CYB5B: variants seen among roughly 807,000 people sequenced by gnomAD.
CYB5B encodes cytochrome b5 type B (outer mitochondrial membrane).
A neutral mutation model predicts 21.3 loss-of-function variants in CYB5B; 14 were observed. The observed-to-expected ratio is 0.66, with a 90% CI of 0.43 to 1.03. The LOEUF is 1.03. Ranked by LOEUF, CYB5B falls within the 50% of genes least tolerant of loss-of-function variation. The pLI, the probability that CYB5B is intolerant of heterozygous loss-of-function variation, is 0.00. For synonymous variants in CYB5B, 69 were observed against 68.4 expected (o/e 1.01, Z -0.04); for missense variants, 166 against 185.1 (o/e 0.90, Z 0.60).
chr16:69,435,404 A>G (rs933760819), intron 1 of CYB5B, among the ~76,000 whole-genome samples: 1 of 152,140 alleles, frequency 6.6e-6, no homozygotes. Flanking sequence ...GAAGGATTGA[A>G]AGGTAAATTA....
intron 1 of CYB5B, among the ~76,000 whole-genome samples, chr16:69,435,532 C>G (rs1054434419): frequency 2.0e-5 from 3 of 152,166 alleles, no homozygotes. Context: ...TTCTTGAAAG[C>G]TTTGGCATTT....
chr16:69,435,649 T>G (rs2014752367), intron 1 of CYB5B, among the ~76,000 whole-genome samples: 1 of 152,204 alleles, frequency 6.6e-6, no homozygotes, highest in Non-Finnish European at 1.5e-5. Context: ...TTAATTTATT[T>G]GTTTTTGAGA....
chr16:69,427,300 A>G (rs1250903726), intron 1 of CYB5B, among the ~76,000 whole-genome samples: 1 of 151,682 alleles, frequency 6.6e-6, no homozygotes, highest in Non-Finnish European at 1.5e-5. Flanking sequence ...TTTTTTCTTG[A>G]TTGATTCAGA....
At chr16:69,451,500 A>T (rs544880883) in intron 3 of CYB5B, among the ~76,000 whole-genome samples, 2 of 152,276 alleles carry the variant, frequency 1.3e-5, no homozygotes, top group African/African-American at 4.8e-5. Context: ...TTTCTTCAAC[A>T]GATATTATCT....
chr16:69,453,149 T>A (rs960075932), intron 3 of CYB5B, among the ~76,000 whole-genome samples: 1 of 152,254 alleles, frequency 6.6e-6, no homozygotes, highest in Non-Finnish European at 1.5e-5. Context: ...CGTGTTTTTT[T>A]AACTTCATTT....
intron 1 of CYB5B, chr16:69,443,770 G>A (rs180778644): frequency 3.0e-4 from 46 of 152,834 alleles, no homozygotes; most frequent in Admixed American, 2.6e-3. Flanking sequence ...CAGGAGAATC[G>A]CTTGAACTTG....
At position 69,459,104 on chromosome 16, in the gene CYB5B, A is replaced by C; in HGVS notation, c.345A>C (p.Lys115Asn). 1 of 1,605,138 alleles carries C rather than the reference A, an allele frequency of 6.2e-7. No individual in the cohort carries two copies. ...TTTTTTTATTTCAGGACCCTTCAAAAAATGATACATGCAAAAGGTTAGTAT... is the reference window on the plus strand; with the variant it reads ...TTTTTTTATTTCAGGACCCTTCAAACAATGATACATGCAAAAGGTTAGTAT... ...KPESGSKDPS[K>N]NDTCKSCWAY... The change falls in exon 4 of 5, where the codon AAA becomes AAC. Residue 115 changes from lysine (K) to asparagine (N), a missense_variant. By Grantham distance (94) the Lys-to-Asn change is moderately conservative. Coordinates refer to ENST00000307892, the MANE Select transcript of CYB5B (RefSeq NM_030579.3).
rs567418577 is a variant in CYB5B, at chr16:69,432,900, G to A, written c.174+8043G>A. On this transcript the variant is annotated intron_variant, in intron 1 of 4. Coordinates refer to ENST00000307892, the MANE Select transcript of CYB5B (RefSeq NM_030579.3). ...CAACTTCCACCTCCCGGGTTCAAGC[G>A]ATTCTCCCTGCCTCAGCCTCCTGAG... 9.7e-4 allele frequency among the ~76,000 whole-genome samples: 147 copies of A among 152,158 alleles called. 2 individuals carry two copies. The highest frequency in any genetic ancestry group is 3.0e-3 in the Admixed American group (46 of 15,286).
intron 1 of CYB5B, among the ~76,000 whole-genome samples, chr16:69,430,433 C>T (rs1044990398): frequency 6.6e-6 from 1 of 152,136 alleles, no homozygotes; most frequent in East Asian, 1.9e-4. Context: ...GTTGCCCAGG[C>T]TGGCCTCAAA....
At chr16:69,437,987 G>A (rs1226777609) in intron 1 of CYB5B, among the ~76,000 whole-genome samples, 1 of 152,164 alleles carries the variant, frequency 6.6e-6, no homozygotes, top group Non-Finnish European at 1.5e-5. Flanking sequence ...TCATGTTGCT[G>A]TGCAATCATC....
At chr16:69,448,260 C>T in intron 3 of CYB5B, 116 bp downstream of exon 3, 1 of 1,239,320 alleles carries the variant, frequency 8.1e-7, no homozygotes, top group Non-Finnish European at 1.2e-6. Flanking sequence ...TTTCCCCAAG[C>T]AAAAATCCTA....
chr16:69,457,783 G>C (rs1285575265), intron 3 of CYB5B, among the ~76,000 whole-genome samples: 1 of 152,104 alleles, frequency 6.6e-6, no homozygotes, highest in Non-Finnish European at 1.5e-5. Context: ...CTTGCCTACA[G>C]ACTAATTTCT....
intron 1 of CYB5B, among the ~76,000 whole-genome samples, chr16:69,436,859 A>G (rs2014765348): frequency 6.6e-6 from 1 of 152,130 alleles, no homozygotes. Flanking sequence ...CATTCTTCAC[A>G]TTCTCCTCTA....
chr16:69,444,917 C>T (rs986555744), intron 1 of CYB5B, among the ~76,000 whole-genome samples: 1 of 152,116 alleles, frequency 6.6e-6, no homozygotes, highest in Admixed American at 6.5e-5. Flanking sequence ...TTTACCACAG[C>T]GAATATATAA....
At chr16:69,454,633 G>A (rs2014966060) in intron 3 of CYB5B, among the ~76,000 whole-genome samples, 1 of 152,168 alleles carries the variant, frequency 6.6e-6, no homozygotes, top group African/African-American at 2.4e-5. Context: ...ACTGGCCACA[G>A]GGATACCAAA....
chr16:69,424,670 G>T lies in CYB5B; in HGVS notation c.-14G>T, dbSNP rs1161577975. 2 of 1,527,788 alleles carry T rather than the reference G, an allele frequency of 1.3e-6. No homozygotes were observed. Among genetic ancestry groups the T allele is most frequent in the South Asian group, 2.5e-5 (2 of 80,412 alleles). The allele number at this position is 1,527,788 out of a possible 1,614,324, so 94.6% of individuals were successfully genotyped here. On this transcript the variant is annotated 5_prime_UTR_variant, in exon 1 of 5. Coordinates refer to ENST00000307892, the MANE Select transcript of CYB5B (RefSeq NM_030579.3). ...AAGTAGTCGCGGAATCTCAGTTAGCGGTGGAGAGGCAGTATGTCCGGTTCA... is the reference window on the plus strand; with the variant it reads ...AAGTAGTCGCGGAATCTCAGTTAGCTGTGGAGAGGCAGTATGTCCGGTTCA...
At chr16:69,460,109 AT>A (rs1383844818) in intron 4 of CYB5B, among the ~76,000 whole-genome samples, 1 of 151,954 alleles carries the variant, frequency 6.6e-6, no homozygotes, top group Admixed American at 6.6e-5. Context: ...TTAGCTGGGC[AT>A]GGTGGTGCGA....
At chr16:69,440,008 A>G (rs1255202569) in intron 1 of CYB5B, among the ~76,000 whole-genome samples, 1 of 152,126 alleles carries the variant, frequency 6.6e-6, no homozygotes, top group Non-Finnish European at 1.5e-5. Flanking sequence ...AGCTGGGACT[A>G]CAGATGTGCA....
intron 1 of CYB5B, among the ~76,000 whole-genome samples, chr16:69,446,585 A>G (rs2014880712): frequency 6.6e-6 from 1 of 152,190 alleles, no homozygotes; most frequent in Non-Finnish European, 1.5e-5. Context: ...TGGCCTCCCA[A>G]AGTGCTGGGA....
Sources: gnomAD v4.1 joint callset for allele counts (sites outside exome capture counted in the v4.1 genomes callset) on GRCh38, gnomAD v4.1.1 for gene constraint, MANE v1.5 for transcripts, NCBI Gene and HGNC (gene_info 2026-07-23, HGNC 2026-07-21) for gene names.